TRMT11: variants seen among roughly 807,000 people sequenced by gnomAD.
TRMT11 encodes tRNA methyltransferase 11.
A neutral mutation model predicts 62.8 loss-of-function variants in TRMT11; 53 were observed. The observed-to-expected ratio is 0.84, with a 90% CI of 0.68 to 1.06. The LOEUF (loss-of-function observed/expected upper bound fraction) is 1.06, where lower values mean the gene tolerates loss of function less well. Among genes scored for constraint, TRMT11 ranks in the 50% least tolerant of loss-of-function variants. The pLI is 0.00. For synonymous variants in TRMT11, 188 were observed against 190.3 expected, an observed-to-expected ratio of 0.99 and a Z score of 0.10; for missense variants, 556 against 553.4, an observed-to-expected ratio of 1.00 and a Z score of -0.05.
the TRMT11 span, among the ~76,000 whole-genome samples, chr6:126,210,281 A>G: frequency 2.6e-5 from 4 of 152,302 alleles, no homozygotes; most frequent in South Asian, 2.1e-4. Flanking sequence ...GTAAATCGCT[A>G]TGTTCTAAAG....
At chr6:126,128,781 G>A (rs1777746504) in intron 21 of TRMT11, among the ~76,000 whole-genome samples, 3 of 152,068 alleles carry the variant, frequency 2.0e-5, no homozygotes, top group African/African-American at 4.8e-5. Flanking sequence ...AATATCCCAT[G>A]TGATATTGTG....
the TRMT11 span, among the ~76,000 whole-genome samples, chr6:126,263,804 TG>T: frequency 6.6e-6 from 1 of 152,228 alleles, no homozygotes; most frequent in African/African-American, 2.4e-5. Context: ...AGGGAAACTC[TG>T]AAGTTTCTCA....
chr6:126,271,850 G>T, the TRMT11 span, among the ~76,000 whole-genome samples: 8 of 152,148 alleles, frequency 5.3e-5, no homozygotes, highest in African/African-American at 7.2e-5. Flanking sequence ...AACAGGACCA[G>T]ATTAACAAGA....
intron 7 of TRMT11, among the ~76,000 whole-genome samples, chr6:126,002,605 A>C (rs1407756746): frequency 6.6e-6 from 1 of 151,988 alleles, no homozygotes; most frequent in Non-Finnish European, 1.5e-5. Context: ...CATTTGTTCC[A>C]GTTTGCCCTC....
intron 21 of TRMT11, among the ~76,000 whole-genome samples, chr6:126,134,920 G>A (rs1447582870): frequency 6.6e-6 from 1 of 151,378 alleles, no homozygotes; most frequent in East Asian, 1.9e-4. Context: ...AAATTAAGAA[G>A]GACAATAAAA....
At chr6:126,066,089 G>C (rs1310986808) in intron 17 of TRMT11, among the ~76,000 whole-genome samples, 9 of 152,192 alleles carry the variant, frequency 5.9e-5, no homozygotes. Context: ...CGGTTGGAGG[G>C]AGCAATGATC....
chr6:126,231,008 C>A, the TRMT11 span, among the ~76,000 whole-genome samples: 3 of 152,102 alleles, frequency 2.0e-5, no homozygotes, highest in Admixed American at 1.3e-4. Context: ...TAACTAAGAT[C>A]TTTTTCTACA....
the TRMT11 span, among the ~76,000 whole-genome samples, chr6:126,247,324 T>G: frequency 6.6e-6 from 1 of 151,554 alleles, no homozygotes; most frequent in Non-Finnish European, 1.5e-5. Context: ...GAAATAATCT[T>G]ATACACACAC....
chr6:126,043,124 A>G (rs934135698), downstream of TRMT11, among the ~76,000 whole-genome samples: 2 of 151,112 alleles, frequency 1.3e-5, no homozygotes, highest in Non-Finnish European at 2.9e-5. Context: ...ACATATGTAT[A>G]CATGTGCCAT....
intron 17 of TRMT11, among the ~76,000 whole-genome samples, chr6:126,056,153 T>C (rs1416057746): frequency 6.6e-6 from 1 of 152,252 alleles, no homozygotes; most frequent in African/African-American, 2.4e-5. Context: ...TAACATAAGA[T>C]AATAACCTTT....
chr6:126,138,441 T>G (rs1001897953), intron 21 of TRMT11, among the ~76,000 whole-genome samples: 2 of 152,030 alleles, frequency 1.3e-5, no homozygotes, highest in African/African-American at 4.8e-5. Context: ...GTATGTGCTG[T>G]CTTCCCTTTG....
intron 17 of TRMT11, among the ~76,000 whole-genome samples, chr6:126,065,392 T>C (rs1214893784): frequency 6.6e-6 from 1 of 151,890 alleles, no homozygotes; most frequent in Non-Finnish European, 1.5e-5. Flanking sequence ...TCAGGCAGCA[T>C]GTAGGATACC....
chr6:126,193,486 C>CTTTTTTTTTT (rs1778627390), intron 1 of TRMT11, among the ~76,000 whole-genome samples: 1 of 124,452 alleles, frequency 8.0e-6, no homozygotes, highest in African/African-American at 3.7e-5. Context: ...AGGAGCGTTT[C>CTTTTTTTTTT]TGTATTTTTT....
intron 21 of TRMT11, among the ~76,000 whole-genome samples, chr6:126,133,213 G>A (rs931752946): frequency 4.6e-5 from 7 of 152,070 alleles, no homozygotes; most frequent in Middle Eastern, 6.8e-3. Flanking sequence ...CAGTTTTTTA[G>A]TTACTTCTAG....
At chr6:126,020,510 C>T (rs1301815851) in intron 11 of TRMT11, among the ~76,000 whole-genome samples, 1 of 152,194 alleles carries the variant, frequency 6.6e-6, no homozygotes, top group African/African-American at 2.4e-5. Context: ...ATGTGCTGTA[C>T]AGTAGCAGTC....
At chr6:126,077,699 A>G (rs1179176452) in intron 17 of TRMT11, among the ~76,000 whole-genome samples, 2 of 152,214 alleles carry the variant, frequency 1.3e-5, no homozygotes, top group Non-Finnish European at 2.9e-5. Flanking sequence ...TGTTGAGGAT[A>G]TTCTTCGTGC....
At chr6:126,258,817 T>C in the TRMT11 span, among the ~76,000 whole-genome samples, 2 of 152,230 alleles carry the variant, frequency 1.3e-5, no homozygotes, top group African/African-American at 4.8e-5. Context: ...TTTCTTTTTG[T>C]TGATCTTTTT....
rs1773116493 is a variant in TRMT11 at position 126,026,474 on chromosome 6, C to T, written c.1260+5194C>T. 2.0e-5 allele frequency among the ~76,000 whole-genome samples: 3 copies of T among 152,144 alleles called. 1 individual carries two copies. Among genetic ancestry groups the T allele is most frequent in the Admixed American group, 1.3e-4 (2 of 15,280 alleles). On this transcript the variant is annotated intron_variant, in intron 12 of 12. Transcript: ENST00000334379. ...GATCTTGACTCACTGCAACCTCCGC[C>T]TTCTGGGTTCAAGTGATTCTCCTTG... is the stretch of plus-strand genomic sequence containing the variant.
chr6:126,055,776 C>T (rs906077576), intron 17 of TRMT11, among the ~76,000 whole-genome samples: 6 of 152,120 alleles, frequency 3.9e-5, no homozygotes, highest in South Asian at 2.1e-4. Context: ...CTTTTTCATG[C>T]TTCCTCAGTG....
Sources: gnomAD v4.1 joint callset for allele counts (sites outside exome capture counted in the v4.1 genomes callset) on GRCh38, gnomAD v4.1.1 for gene constraint, MANE v1.5 for transcripts, NCBI Gene and HGNC (gene_info 2026-07-23, HGNC 2026-07-21) for gene names.